SLC35F4: variants seen among roughly 807,000 people sequenced by gnomAD.
SLC35F4 encodes solute carrier family 35 member F4.
Under a neutral mutation model 44.2 loss-of-function variants are expected in SLC35F4, and 24 were observed. That is an observed-to-expected ratio of 0.54 (90% CI 0.39 to 0.76). SLC35F4 has a LOEUF of 0.76. SLC35F4 is among the 30% of genes least tolerant of loss of function. The pLI is 0.00. For missense variants in SLC35F4, 562 were observed against 586.1 expected, an observed-to-expected ratio of 0.96 and a Z score of 0.42; for synonymous variants, 238 against 223.6, an observed-to-expected ratio of 1.06 and a Z score of -0.57.
chr14:57,670,049 TTA>T (rs2074460310), intron 1 of SLC35F4, among the ~76,000 whole-genome samples: 1 of 152,140 alleles, frequency 6.6e-6, no homozygotes. Context: ...TCTTCCTGGT[TTA>T]GTCTTGGGAG....
intron 1 of SLC35F4, among the ~76,000 whole-genome samples, chr14:57,909,216 C>A (rs1391299305): frequency 1.3e-5 from 2 of 152,078 alleles, no homozygotes; most frequent in Non-Finnish European, 2.9e-5. Flanking sequence ...TGGACAACCT[C>A]CCCCACTATC....
At position 57,616,966 on chromosome 14, in the gene SLC35F4, T is replaced by C. The variant is rs371855333; in HGVS notation, c.104-22842A>G. Among the ~76,000 whole-genome samples, 31 of 152,118 alleles carry C rather than the reference T, an allele frequency of 2.0e-4. No homozygotes were observed. In the South Asian group the frequency reaches 6.1e-3, roughly 30 times the overall value. Reference sequence around the variant, plus strand: ...TCAATCAGAGCCACAGACACTGCATTATACATTATGAAAATGTGGTTTTCT... The same window carrying C: ...TCAATCAGAGCCACAGACACTGCATCATACATTATGAAAATGTGGTTTTCT... On this transcript the variant is annotated intron_variant, in intron 1 of 7. Coordinates refer to ENST00000556826, the MANE Select transcript of SLC35F4 (RefSeq NM_001306087.2).
chr14:57,980,189 T>C (rs755540089), intron 1 of SLC35F4, among the ~76,000 whole-genome samples: 3 of 152,254 alleles, frequency 2.0e-5, no homozygotes. Flanking sequence ...TGGCCAAGAC[T>C]GAACAGCCTA....
chr14:57,943,616 C>A (rs955133569), intron 1 of SLC35F4, among the ~76,000 whole-genome samples: 1 of 151,784 alleles, frequency 6.6e-6, no homozygotes, highest in Non-Finnish European at 1.5e-5. Flanking sequence ...GGACTCTTCA[C>A]CAATCTGCGA....
At chr14:57,623,196 A>C (rs966444851) in intron 1 of SLC35F4, among the ~76,000 whole-genome samples, 1 of 152,234 alleles carries the variant, frequency 6.6e-6, no homozygotes, top group Non-Finnish European at 1.5e-5. Context: ...AAACCAACAA[A>C]GATCAAAAAA....
At chr14:57,930,010 T>C (rs1026369242) in intron 1 of SLC35F4, among the ~76,000 whole-genome samples, 2 of 152,188 alleles carry the variant, frequency 1.3e-5, no homozygotes, top group African/African-American at 2.4e-5. Flanking sequence ...CATAAAGGGA[T>C]AGGGGAAGAT....
intron 1 of SLC35F4, among the ~76,000 whole-genome samples, chr14:57,727,397 T>A (rs1294826212): frequency 6.6e-6 from 1 of 152,064 alleles, no homozygotes; most frequent in East Asian, 1.9e-4. Context: ...CATTTCAAAT[T>A]CACTTATTTT....
chr14:57,574,861 GAATC>G (rs959019994), intron 4 of SLC35F4, among the ~76,000 whole-genome samples: 4 of 149,234 alleles, frequency 2.7e-5, no homozygotes, highest in Admixed American at 1.3e-4. Flanking sequence ...CACATTTTCA[GAATC>G]AATCAGTCAT....
intron 1 of SLC35F4, among the ~76,000 whole-genome samples, chr14:57,918,158 C>A (rs1445888984): frequency 6.6e-6 from 1 of 152,188 alleles, no homozygotes; most frequent in African/African-American, 2.4e-5. Context: ...TTGCCAGAAG[C>A]ATGAGAGGAT....
At chr14:57,619,594 C>T (rs573708309) in intron 1 of SLC35F4, among the ~76,000 whole-genome samples, 78 of 152,192 alleles carry the variant, frequency 5.1e-4, no homozygotes, top group African/African-American at 1.4e-3. Flanking sequence ...GAGAAACCAG[C>T]ACAAAAAGGC....
intron 1 of SLC35F4, among the ~76,000 whole-genome samples, chr14:57,958,221 CTAAT>C (rs1373905755): frequency 6.6e-6 from 1 of 152,054 alleles, no homozygotes; most frequent in African/African-American, 2.4e-5. Context: ...CCACGCCCGG[CTAAT>C]TATTTTGTAT....
chr14:57,628,015 G>T (rs1358846219), intron 1 of SLC35F4, among the ~76,000 whole-genome samples: 7 of 151,938 alleles, frequency 4.6e-5, no homozygotes, highest in Non-Finnish European at 1.0e-4. Flanking sequence ...ATTTTATTCA[G>T]TTCCTTTTGT....
At chr14:57,637,752 G>T (rs556845013) in intron 1 of SLC35F4, among the ~76,000 whole-genome samples, 6 of 152,058 alleles carry the variant, frequency 3.9e-5, no homozygotes, top group Non-Finnish European at 8.8e-5. Flanking sequence ...ACTAGGGCAT[G>T]AAGCTACCTG....
chr14:57,564,142 A>G lies in SLC35F4; in HGVS notation c.1451T>C (p.Leu484Pro). 6.2e-7 allele frequency: 1 copy of G among 1,613,700 alleles called. No individual in the cohort carries two copies. The highest frequency in any genetic ancestry group is 8.5e-7 in the Non-Finnish European group (1 of 1,179,774). Reference sequence around the variant, plus strand: ...TTCAAAATATGTCCCTCTCTAAGCCAGTGGTATAGACACTGTCCCATTGGC... The same window carrying G: ...TTCAAAATATGTCCCTCTCTAAGCCGGTGGTATAGACACTGTCCCATTGGC... ...GRANGTVSIP[L>P]A Residue 484 changes from leucine (L) to proline (P), a missense_variant, in exon 8 of 8, where the codon CTG becomes CCG. Leu to Pro is a moderately conservative substitution (Grantham distance 98). Transcript: ENST00000556826.
At chr14:57,576,688 G>A (rs942353668) in intron 4 of SLC35F4, among the ~76,000 whole-genome samples, 3 of 152,100 alleles carry the variant, frequency 2.0e-5, no homozygotes, top group African/African-American at 7.2e-5. Context: ...GTGTGACAGG[G>A]GGAAGGGGGG....
chr14:57,862,967 T>C (rs187750987), intron 1 of SLC35F4, among the ~76,000 whole-genome samples: 1 of 152,260 alleles, frequency 6.6e-6, no homozygotes, highest in African/African-American at 2.4e-5. Context: ...TTAACACTTG[T>C]TGAATGAATG....
At chr14:57,832,821 T>C (rs986572701) in intron 1 of SLC35F4, among the ~76,000 whole-genome samples, 2 of 152,200 alleles carry the variant, frequency 1.3e-5, no homozygotes, top group Non-Finnish European at 2.9e-5. Context: ...GTAATTCATG[T>C]GTAAAATTAC....
rs2071756224 is a variant in SLC35F4 at position 57,615,405 on chromosome 14, CT to C, written c.104-21282del. ...TTCATTTCTTCATTGTTAACTGCTGCTTTAAGGAGTGTATTTTCCAAGAGAA... is the reference window on the plus strand; with the variant it reads ...TTCATTTCTTCATTGTTAACTGCTGCTTAAGGAGTGTATTTTCCAAGAGAA... On this transcript the variant is annotated intron_variant, in intron 1 of 7. Transcript: ENST00000556826. Among the ~76,000 whole-genome samples the C allele has an allele frequency of 4.6e-5, 7 of 150,880 alleles. No homozygotes were observed. In the South Asian group the frequency reaches 1.5e-3, roughly 31 times the overall value.
chr14:57,807,412 G>A (rs1044074943), intron 1 of SLC35F4, among the ~76,000 whole-genome samples: 1 of 151,898 alleles, frequency 6.6e-6, no homozygotes, highest in Non-Finnish European at 1.5e-5. Flanking sequence ...CCTCCCTCCT[G>A]CCTCCAAGCA....
Sources: gnomAD v4.1 joint callset for allele counts (sites outside exome capture counted in the v4.1 genomes callset) on GRCh38, gnomAD v4.1.1 for gene constraint, MANE v1.5 for transcripts, NCBI Gene and HGNC (gene_info 2026-07-23, HGNC 2026-07-21) for gene names.